The following CLSTN2 variants were observed in gnomAD, a reference collection of about 807,000 sequenced individuals.
The protein encoded by CLSTN2 is calsyntenin-2.
Under a neutral mutation model 101.2 loss-of-function variants are expected in CLSTN2, and 48 were observed. That is an observed-to-expected ratio of 0.47 (90% CI 0.38 to 0.60). The LOEUF is 0.60. Ranked by LOEUF, CLSTN2 falls within the 20% of genes least tolerant of loss-of-function variation. The probability of loss-of-function intolerance (pLI) is 0.00; values close to 1 mark genes in which losing one functional copy is unlikely to be tolerated. For synonymous variants in CLSTN2, 481 were observed against 463.6 expected, an observed-to-expected ratio of 1.04 and a Z score of -0.48; for missense variants, 1,160 against 1,238.2, an observed-to-expected ratio of 0.94 and a Z score of 0.95.
chr3:140,152,640 C>T (rs1346459590), intron 1 of CLSTN2, among the ~76,000 whole-genome samples: 1 of 152,144 alleles, frequency 6.6e-6, no homozygotes, highest in Non-Finnish European at 1.5e-5. Context: ...TTGGTGCTCA[C>T]GTTCTATTAG....
intron 1 of CLSTN2, among the ~76,000 whole-genome samples, chr3:140,044,069 G>A (rs2007817519): frequency 6.6e-6 from 1 of 152,196 alleles, no homozygotes; most frequent in South Asian, 2.1e-4. Flanking sequence ...TGTGAAGAAA[G>A]TCATTGGTAG....
At chr3:139,938,886 G>A (rs1935074633) in intron 1 of CLSTN2, among the ~76,000 whole-genome samples, 1 of 152,052 alleles carries the variant, frequency 6.6e-6, no homozygotes, top group African/African-American at 2.4e-5. Context: ...TCAGTGCTCT[G>A]GTTCTGAGCC....
intron 2 of CLSTN2, among the ~76,000 whole-genome samples, chr3:140,231,385 A>C (rs967438083): frequency 6.6e-6 from 1 of 152,036 alleles, no homozygotes; most frequent in African/African-American, 2.4e-5. Flanking sequence ...AGATTGAAAA[A>C]CCGGTTTAAA....
At chr3:140,462,992 G>C (rs778841016) in intron 7 of CLSTN2, among the ~76,000 whole-genome samples, 2 of 152,224 alleles carry the variant, frequency 1.3e-5, no homozygotes, top group Admixed American at 6.5e-5. Context: ...GAGTTTAAAT[G>C]TGAACCTAGG....
chr3:140,173,203 A>C (rs1334395827), intron 1 of CLSTN2, among the ~76,000 whole-genome samples: 1 of 152,224 alleles, frequency 6.6e-6, no homozygotes, highest in African/African-American at 2.4e-5. Flanking sequence ...TCCAAATGGG[A>C]GAAATTGGCC....
intron 12 of CLSTN2, among the ~76,000 whole-genome samples, chr3:140,559,849 C>CCCCCTT (rs1576627116): frequency 6.6e-6 from 1 of 152,178 alleles, no homozygotes; most frequent in African/African-American, 2.4e-5. Context: ...ACTCAAGAGA[C>CCCCCTT]AGCCCTTCTT....
intron 1 of CLSTN2, among the ~76,000 whole-genome samples, chr3:139,973,310 C>T (rs1193420974): frequency 6.6e-6 from 1 of 152,236 alleles, no homozygotes; most frequent in African/African-American, 2.4e-5. Context: ...GGCAGGGTGT[C>T]TGGTCTTCCC....
At chr3:140,049,475 A>G (rs958345781) in intron 1 of CLSTN2, among the ~76,000 whole-genome samples, 3 of 152,126 alleles carry the variant, frequency 2.0e-5, no homozygotes, top group African/African-American at 7.2e-5. Context: ...GGGACTACAC[A>G]TTTTACCCAG....
chr3:140,067,147 G>A (rs1463627266), intron 1 of CLSTN2, among the ~76,000 whole-genome samples: 1 of 152,138 alleles, frequency 6.6e-6, no homozygotes, highest in East Asian at 1.9e-4. Flanking sequence ...GGGCCTCAGT[G>A]TCCTCCTCAC....
chr3:140,304,816 C>T (rs1436851419), intron 2 of CLSTN2, among the ~76,000 whole-genome samples: 1 of 152,128 alleles, frequency 6.6e-6, no homozygotes, highest in East Asian at 1.9e-4. Context: ...CCACCCCAAC[C>T]CCACCACTTA....
intron 1 of CLSTN2, among the ~76,000 whole-genome samples, chr3:140,161,602 C>A (rs1015138567): frequency 2.0e-5 from 3 of 152,126 alleles, no homozygotes; most frequent in African/African-American, 7.2e-5. Context: ...CTGCATTGAT[C>A]AACCCTCCCT....
intron 1 of CLSTN2, among the ~76,000 whole-genome samples, chr3:139,970,644 C>T (rs542253024): frequency 7.9e-5 from 12 of 152,282 alleles, no homozygotes; most frequent in South Asian, 2.1e-4. Context: ...CTGAACACAG[C>T]GGCAGTGGAC....
chr3:140,076,625 G>GTGTTTT (rs1236822684), intron 1 of CLSTN2, among the ~76,000 whole-genome samples: 14 of 38,070 alleles, frequency 3.7e-4, no homozygotes, highest in Middle Eastern at 0.059. Context: ...CACCAGCAGT[G>GTGTTTT]TTTTTTTTTT....
intron 2 of CLSTN2, among the ~76,000 whole-genome samples, chr3:140,374,354 G>A (rs1342481117): frequency 6.6e-6 from 1 of 151,446 alleles, no homozygotes. Context: ...CTCTCAGTCT[G>A]TCTAAACACT....
In CLSTN2 at chr3:139,955,652, C is replaced by G. The variant is rs373331978; in HGVS notation, c.109+20169C>G. On this transcript the variant is annotated intron_variant, in intron 1 of 16. Coordinates refer to ENST00000458420, the MANE Select transcript of CLSTN2 (RefSeq NM_022131.3). ...GGACTTCTGTGGATTCAGCTGAGTC[C>G]CTCTTCGAAGTCATCTAGAGCTAGG... is the stretch of plus-strand genomic sequence containing the variant. 8.7e-4 allele frequency among the ~76,000 whole-genome samples: 5 copies of G among 5,756 alleles called. No homozygotes were observed. In the South Asian group the frequency reaches 0.17, roughly 192 times the overall value. The allele number at this position is 5,756 out of a possible 152,430, so 3.8% of individuals were successfully genotyped here.
At chr3:140,295,066 G>A (rs2086990044) in intron 2 of CLSTN2, among the ~76,000 whole-genome samples, 2 of 152,068 alleles carry the variant, frequency 1.3e-5, no homozygotes, top group South Asian at 4.2e-4. Context: ...CAGACATTCG[G>A]TCCATAATAC....
chr3:140,068,103 G>C (rs2107775656), intron 1 of CLSTN2, among the ~76,000 whole-genome samples: 1 of 152,354 alleles, frequency 6.6e-6, no homozygotes, highest in Admixed American at 6.5e-5. Context: ...AGGCAGCAAA[G>C]AGGCTGCTCC....
intron 8 of CLSTN2, among the ~76,000 whole-genome samples, chr3:140,520,343 C>T (rs56684347): frequency 0.053 from 8,127 of 152,264 alleles, 723 homozygotes; most frequent in African/African-American, 0.18. Context: ...ATTTAATTGA[C>T]TTACTTACCA....
At chr3:140,412,814 T>A (rs1002353358) in intron 4 of CLSTN2, among the ~76,000 whole-genome samples, 1 of 151,788 alleles carries the variant, frequency 6.6e-6, no homozygotes, top group African/African-American at 2.4e-5. Flanking sequence ...AAAGAAGAAA[T>A]CAAAAGGAAA....
Sources: allele counts gnomAD v4.1 joint callset (sites outside exome capture counted in the v4.1 genomes callset), GRCh38; gene constraint gnomAD v4.1.1; transcripts MANE v1.5; gene names NCBI Gene and HGNC (gene_info 2026-07-23, HGNC 2026-07-21).